Variants in MGST1 observed in about 807,000 individuals in gnomAD.
MGST1 encodes glutathione S-transferase 12.
In MGST1, 5 loss-of-function variants were observed where a neutral mutation model predicts 8.9. The ratio of observed to expected loss-of-function variants is 0.56; its 90% CI spans 0.29 to 1.19. The LOEUF is 1.19. Ranked by LOEUF, MGST1 falls within the 50% of genes most tolerant of loss-of-function variation. The pLI is 0.08. For synonymous variants in MGST1, 54 were observed against 67.8 expected, an observed-to-expected ratio of 0.80 and a Z score of 1.00; for missense variants, 182 against 187.4, an observed-to-expected ratio of 0.97 and a Z score of 0.17.
chr12:16,434,227 C>T (rs1355584777), intron 1 of MGST1, among the ~76,000 whole-genome samples: 1 of 151,990 alleles, frequency 6.6e-6, no homozygotes, highest in Non-Finnish European at 1.5e-5. Context: ...TCACTGAGAA[C>T]AAATCCTTAA....
chr12:16,361,623 G>T lies in MGST1; in HGVS notation c.222-2172G>T, dbSNP rs1183241359. Among the ~76,000 whole-genome samples the T allele has an allele frequency of 6.6e-6, 1 of 152,162 alleles. No homozygotes were observed. Among genetic ancestry groups the T allele is most frequent in the Non-Finnish European group, 1.5e-5 (1 of 68,034 alleles). ...AGAAGAGGGGAGGGTTAGGACGGAA[G>T]GGTGATAGTGCACTGCAGCAGGTGC... On this transcript the variant is annotated intron_variant, in intron 3 of 3. Transcript: ENST00000396210. The surrounding 1 kb of genome is among the most constrained non-coding windows in gnomAD (Gnocchi z 4.2).
intron 3 of MGST1, among the ~76,000 whole-genome samples, chr12:16,371,373 A>G (rs1196711733): frequency 6.6e-6 from 1 of 151,676 alleles, no homozygotes; most frequent in Non-Finnish European, 1.5e-5. Context: ...GTATACAACA[A>G]GGACCACAGA....
In MGST1 at chr12:16,386,099, G is replaced by T. The variant is rs116204914; in HGVS notation, n.778+2495G>T. ...GTTCCCTGTATGCCTGTTTGCCTTC[G>T]GAGGCAGTGACAAATTTGCTAGGTT... On this transcript the variant is annotated intron_variant and non_coding_transcript_variant, in intron 1 of 1. Coordinates refer to the MGST1 transcript ENST00000359720. Among the ~76,000 whole-genome samples the T allele has an allele frequency of 4.4e-3, 668 of 152,184 alleles. 3 individuals are homozygous for T. The Middle Eastern group carries it at 0.048, about 11-fold the overall frequency.
At position 16,546,161 on chromosome 12, in the gene MGST1, G is replaced by C. The variant is rs1565472652; in HGVS notation, n.483-43367G>C. On this transcript the variant is annotated intron_variant and non_coding_transcript_variant, in intron 4 of 4. Transcript: ENST00000538857. This position sits in a 1 kb window ranked among gnomAD's most constrained non-coding sequence, Gnocchi z 4.7. ...GCTATTATTACTAAAAGTTATTGAA[G>C]ATGGGTCATATGAAAATGTTACCTG... Among the ~76,000 whole-genome samples, 1 of 152,098 alleles carries C rather than the reference G, an allele frequency of 6.6e-6. No individual in the cohort carries two copies. Among genetic ancestry groups the C allele is most frequent in the African/African-American group, 2.4e-5 (1 of 41,426 alleles).
chr12:16,359,176 C>T (rs915862463), intron 3 of MGST1, among the ~76,000 whole-genome samples: 2 of 152,162 alleles, frequency 1.3e-5, no homozygotes, highest in Non-Finnish European at 2.9e-5. Context: ...ATTTCTCTGT[C>T]AGACAATGGC....
intron 4 of MGST1, among the ~76,000 whole-genome samples, chr12:16,552,594 T>TA (rs1942031087): frequency 6.6e-6 from 1 of 152,014 alleles, no homozygotes; most frequent in African/African-American, 2.4e-5. Flanking sequence ...AATAGTGTAA[T>TA]AAAAAAAGTA....
chr12:16,536,791 G>T (rs2137207336), intron 4 of MGST1, among the ~76,000 whole-genome samples: 1 of 152,232 alleles, frequency 6.6e-6, no homozygotes, highest in Non-Finnish European at 1.5e-5. Flanking sequence ...ACAGTATGGG[G>T]GAAACTACCC....
chr12:16,532,653 C>T (rs373544309), intron 4 of MGST1, among the ~76,000 whole-genome samples: 4 of 152,218 alleles, frequency 2.6e-5, no homozygotes, highest in South Asian at 2.1e-4. Flanking sequence ...GTACACAAAG[C>T]GTTCGTCTCT....
Position 16,573,330 on chromosome 12 carries a change from TGAA to T in MGST1, n.483-16197_483-16195del, listed in dbSNP as rs1384821732. On this transcript the variant is annotated intron_variant and non_coding_transcript_variant, in intron 4 of 4. Transcript: ENST00000538857. Reference sequence around the variant, plus strand: ...ACAAAAATTTTGAACTCAGACATATTGAATATTAAAAACATGAGGTACTGGAAT... The same window carrying T: ...ACAAAAATTTTGAACTCAGACATATTTATTAAAAACATGAGGTACTGGAAT... 2.0e-5 allele frequency among the ~76,000 whole-genome samples: 3 copies of T among 152,244 alleles called. No individual in the cohort carries two copies. The South Asian group carries it at 6.2e-4, about 32-fold the overall frequency.
intron 1 of MGST1, among the ~76,000 whole-genome samples, chr12:16,431,219 A>G (rs1175207778): frequency 1.3e-5 from 2 of 152,212 alleles, no homozygotes; most frequent in African/African-American, 2.4e-5. Flanking sequence ...AGCTGGTTTG[A>G]TCTTCTATTC....
At chr12:16,568,649 G>A (rs373535113) in intron 4 of MGST1, among the ~76,000 whole-genome samples, 2 of 152,146 alleles carry the variant, frequency 1.3e-5, no homozygotes, top group East Asian at 1.9e-4. Context: ...ACATTGAGAT[G>A]GTAATCTTTG....
intron 4 of MGST1, among the ~76,000 whole-genome samples, chr12:16,473,667 T>G (rs1479477671): frequency 6.6e-6 from 1 of 152,220 alleles, no homozygotes; most frequent in Non-Finnish European, 1.5e-5. Context: ...CTGTGCTGTT[T>G]GTGTTTTGAA....
intron 4 of MGST1, among the ~76,000 whole-genome samples, chr12:16,467,442 T>C (rs1335664425): frequency 6.6e-6 from 1 of 152,320 alleles, no homozygotes; most frequent in Admixed American, 6.5e-5. Context: ...CCTTTTAAAA[T>C]GGAACTGTGA....
At chr12:16,468,581 G>A (rs1165319483) in intron 4 of MGST1, among the ~76,000 whole-genome samples, 1 of 152,164 alleles carries the variant, frequency 6.6e-6, no homozygotes, top group Non-Finnish European at 1.5e-5. Flanking sequence ...GGTCTTGAGT[G>A]TATATAGCTT....
At chr12:16,381,954 C>A (rs1003201498), downstream of MGST1, among the ~76,000 whole-genome samples, 1 of 152,226 alleles carries the variant, frequency 6.6e-6, no homozygotes, top group African/African-American at 2.4e-5. Context: ...CTGCATTCTT[C>A]ACATAGCTCT....
At chr12:16,524,371 A>G (rs1941669403) in intron 4 of MGST1, among the ~76,000 whole-genome samples, 1 of 152,096 alleles carries the variant, frequency 6.6e-6, no homozygotes, top group Non-Finnish European at 1.5e-5. Flanking sequence ...TGTTTGTGAA[A>G]AGAAAGAGCC....
intron 4 of MGST1, among the ~76,000 whole-genome samples, chr12:16,566,887 T>C (rs973876117): frequency 2.0e-5 from 3 of 152,232 alleles, no homozygotes; most frequent in Non-Finnish European, 4.4e-5. Context: ...TTAAACTTAC[T>C]AAGTGCCTAA....
chr12:16,522,561 C>G (rs1465876661), intron 4 of MGST1, among the ~76,000 whole-genome samples: 1 of 152,060 alleles, frequency 6.6e-6, no homozygotes, highest in Non-Finnish European at 1.5e-5. Context: ...TTATCCCCAG[C>G]AGCTTCATCT....
chr12:16,529,510 G>T lies in MGST1; in HGVS notation n.483-60018G>T, dbSNP rs11056988. 9.9e-3 allele frequency among the ~76,000 whole-genome samples: 1,511 copies of T among 152,058 alleles called. 56 individuals are homozygous for T. The East Asian group carries it at 0.14, about 14-fold the overall frequency. On this transcript the variant is annotated intron_variant and non_coding_transcript_variant, in intron 4 of 4. Coordinates refer to the MGST1 transcript ENST00000538857. ...CAAGTCTATCAACAATTTCATTGTC[G>T]TTTTAAATTTTTAATATACCTGTCT...
Sources: allele counts gnomAD v4.1 joint callset (sites outside exome capture counted in the v4.1 genomes callset), GRCh38; gene constraint gnomAD v4.1.1; non-coding constraint Gnocchi (gnomAD v3.1); transcripts MANE v1.5; gene names NCBI Gene and HGNC (gene_info 2026-07-23, HGNC 2026-07-21).